The following EXOC6 variants were observed in gnomAD, a reference collection of about 807,000 sequenced individuals.
The protein encoded by EXOC6 is exocyst complex component 6.
Under a neutral mutation model 112.5 loss-of-function variants are expected in EXOC6, and 60 were observed. The observed-to-expected ratio is 0.53, with a 90% CI of 0.43 to 0.66. The LOEUF (loss-of-function observed/expected upper bound fraction) is 0.66, where lower values mean the gene tolerates loss of function less well. Ranked by LOEUF, EXOC6 falls within the 30% of genes least tolerant of loss-of-function variation. The pLI is 0.00. For missense variants in EXOC6, 855 were observed against 957.1 expected, an observed-to-expected ratio of 0.89 and a Z score of 1.41; for synonymous variants, 295 against 308.0, an observed-to-expected ratio of 0.96 and a Z score of 0.44.
intron 8 of EXOC6, among the ~76,000 whole-genome samples, chr10:92,924,971 C>T (rs1851633323): frequency 6.6e-6 from 1 of 152,124 alleles, no homozygotes; most frequent in South Asian, 2.1e-4. Context: ...GTCTCTAGTT[C>T]CATCCAGGTT....
intron 1 of EXOC6, among the ~76,000 whole-genome samples, chr10:92,884,414 G>A (rs970172664): frequency 1.3e-5 from 2 of 152,182 alleles, no homozygotes; most frequent in African/African-American, 4.8e-5. Flanking sequence ...CCAGTGACTA[G>A]CATTTTAATG....
At chr10:93,020,365 A>G (rs1297007523) in intron 20 of EXOC6, among the ~76,000 whole-genome samples, 2 of 152,076 alleles carry the variant, frequency 1.3e-5, no homozygotes, top group East Asian at 1.9e-4. Context: ...GGACTGTGCA[A>G]AAAGTTTGCT....
intron 1 of EXOC6, among the ~76,000 whole-genome samples, chr10:92,861,114 T>C (rs1328609440): frequency 6.6e-6 from 1 of 152,218 alleles, no homozygotes; most frequent in Non-Finnish European, 1.5e-5. Flanking sequence ...AGAGTCTTCA[T>C]TGTTTTCAAG....
At chr10:92,828,396 C>T (rs543822394) in intron 1 of EXOC6, among the ~76,000 whole-genome samples, 19 of 152,256 alleles carry the variant, frequency 1.2e-4, no homozygotes, top group African/African-American at 4.6e-4. Context: ...TGCAGTGGTG[C>T]GATCTTGGCT....
intron 17 of EXOC6, among the ~76,000 whole-genome samples, chr10:92,964,449 G>A (rs1056651863): frequency 6.6e-6 from 1 of 152,086 alleles, no homozygotes; most frequent in Non-Finnish European, 1.5e-5. Context: ...TGGATTATTG[G>A]AATTTTGTTT....
At chr10:92,946,838 T>C (rs79011082) in intron 13 of EXOC6, among the ~76,000 whole-genome samples, 1,620 of 152,342 alleles carry the variant, frequency 0.011, 33 homozygotes, top group African/African-American at 0.037. Flanking sequence ...CCTACAGGAC[T>C]ACTCACTTCT....
chr10:92,986,492 T>G (rs1208703090), intron 18 of EXOC6, among the ~76,000 whole-genome samples: 3 of 151,682 alleles, frequency 2.0e-5, no homozygotes, highest in Non-Finnish European at 4.4e-5. Context: ...AGTATCTGCT[T>G]CTTCCATTTC....
intron 20 of EXOC6, among the ~76,000 whole-genome samples, chr10:93,051,565 T>C (rs907411467): frequency 2.0e-5 from 3 of 152,232 alleles, no homozygotes; most frequent in African/African-American, 7.2e-5. Context: ...CTGTGCTACA[T>C]GTGGAGTTTT....
intron 1 of EXOC6, among the ~76,000 whole-genome samples, chr10:92,885,173 ATATT>A (rs1187615681): frequency 2.0e-5 from 3 of 152,236 alleles, no homozygotes; most frequent in African/African-American, 7.2e-5. Context: ...GAGTTAACTC[ATATT>A]TAAACTTTGA....
chr10:92,988,669 T>C (rs1223933492), intron 18 of EXOC6, among the ~76,000 whole-genome samples: 1 of 152,110 alleles, frequency 6.6e-6, no homozygotes, highest in Non-Finnish European at 1.5e-5. Context: ...TTTCCACATA[T>C]ATTTCTGAGG....
At position 93,038,524 on chromosome 10, in the gene EXOC6, C is replaced by A. The variant is rs917117071; in HGVS notation, c.2170-18400C>A. Among the ~76,000 whole-genome samples the A allele has an allele frequency of 1.2e-4, 18 of 152,256 alleles. No homozygotes were observed. In the East Asian group the frequency reaches 3.5e-3, roughly 29 times the overall value. ...GACACGTAATTTCCCTGAAAGTCAACTTCTACTTTTATAGAGAACAGCCAG... is the reference window on the plus strand; with the variant it reads ...GACACGTAATTTCCCTGAAAGTCAAATTCTACTTTTATAGAGAACAGCCAG... On this transcript the variant is annotated intron_variant, in intron 20 of 21. Transcript: ENST00000260762.
intron 19 of EXOC6, among the ~76,000 whole-genome samples, chr10:93,004,006 C>G (rs923918244): frequency 6.6e-6 from 1 of 152,070 alleles, no homozygotes; most frequent in Non-Finnish European, 1.5e-5. Flanking sequence ...AAATCTGTGT[C>G]ATAGAATGTT....
In EXOC6 at chr10:92,955,674, C is replaced by T. The variant is rs35647717; in HGVS notation, c.1733C>T (p.Thr578Ile). The change falls in exon 17 of 22, where the codon ACT (threonine) becomes ATT (isoleucine). Residue 578 changes from threonine (T) to isoleucine (I), a missense_variant. Transcript: ENST00000260762. ...AACATTACAAATATTTCCCAAGAAA[C>T]TGTTCATACTACAAGACTTTATGGA... ...ITNITNISQETVHTTRLYGLS... is the reference protein window; with the variant it reads ...ITNITNISQEIVHTTRLYGLS... 2.4e-3 allele frequency: 3,844 copies of T among 1,612,158 alleles called. 88 individuals carry two copies. The African/African-American group carries it at 0.047, about 20-fold the overall frequency.
At chr10:93,033,990 C>G (rs1845392662) in intron 20 of EXOC6, among the ~76,000 whole-genome samples, 1 of 152,192 alleles carries the variant, frequency 6.6e-6, no homozygotes, top group Non-Finnish European at 1.5e-5. Context: ...AAATCAGAGA[C>G]AGGATGGAGT....
At chr10:93,035,854 C>G (rs759650081) in intron 20 of EXOC6, among the ~76,000 whole-genome samples, 9 of 151,614 alleles carry the variant, frequency 5.9e-5, no homozygotes, top group Non-Finnish European at 1.0e-4. Flanking sequence ...GACTCTGTCT[C>G]CAGAAAAACA....
At chr10:93,017,839 G>A (rs551355213) in intron 20 of EXOC6, among the ~76,000 whole-genome samples, 4 of 151,202 alleles carry the variant, frequency 2.6e-5, no homozygotes, top group Non-Finnish European at 2.9e-5. Flanking sequence ...GTGAAACCCC[G>A]TCTCTACTAA....
At chr10:92,987,373 A>T (rs1354631649) in intron 18 of EXOC6, among the ~76,000 whole-genome samples, 1 of 152,176 alleles carries the variant, frequency 6.6e-6, no homozygotes, top group East Asian at 1.9e-4. Flanking sequence ...GAGAGAGACA[A>T]AAGTTTGGAG....
At chr10:92,880,213 A>T (rs912068761) in intron 1 of EXOC6, among the ~76,000 whole-genome samples, 3 of 152,214 alleles carry the variant, frequency 2.0e-5, no homozygotes, top group East Asian at 1.9e-4. Flanking sequence ...ACTCCCATGT[A>T]CTTTGTCATC....
At chr10:93,034,154 G>T (rs1252113066) in intron 20 of EXOC6, among the ~76,000 whole-genome samples, 1 of 152,178 alleles carries the variant, frequency 6.6e-6, no homozygotes, top group African/African-American at 2.4e-5. Context: ...GCTTAATCTT[G>T]ATTGCTAAAG....
Sources: allele counts gnomAD v4.1 joint callset (sites outside exome capture counted in the v4.1 genomes callset), GRCh38; gene constraint gnomAD v4.1.1; transcripts MANE v1.5; gene names NCBI Gene and HGNC (gene_info 2026-07-23, HGNC 2026-07-21).